The following PALM2AKAP2 variants were observed in gnomAD, a reference collection of about 807,000 sequenced individuals.
PALM2AKAP2 encodes PALM2-AKAP2 fusion protein.
PALM2AKAP2 carries 37 observed loss-of-function variants against 71.5 expected under a neutral mutation model. That is an observed-to-expected ratio of 0.52 (90% CI 0.40 to 0.68). The LOEUF is 0.68. Among genes scored for constraint, PALM2AKAP2 ranks in the 30% least tolerant of loss-of-function variants. The probability of loss-of-function intolerance (pLI) is 0.00; values close to 1 mark genes in which losing one functional copy is unlikely to be tolerated. For synonymous variants in PALM2AKAP2, 468 were observed against 478.8 expected (o/e 0.98, Z 0.29); for missense variants, 1,224 against 1,191.8 (o/e 1.03, Z -0.40).
chr9:109,684,664 A>C (rs1303138501), intron 1 of PALM2AKAP2, among the ~76,000 whole-genome samples: 1 of 152,240 alleles, frequency 6.6e-6, no homozygotes, highest in East Asian at 1.9e-4. Flanking sequence ...TTACTTAAAA[A>C]ACAAAATTTA....
At chr9:109,889,118 A>G (rs1830031627) in intron 3 of PALM2AKAP2, among the ~76,000 whole-genome samples, 1 of 152,248 alleles carries the variant, frequency 6.6e-6, no homozygotes, top group Non-Finnish European at 1.5e-5. Flanking sequence ...TCAGTGCAAA[A>G]TGACAAAGTG....
chr9:109,901,014 G>C (rs1830321216), intron 3 of PALM2AKAP2, among the ~76,000 whole-genome samples: 1 of 152,162 alleles, frequency 6.6e-6, no homozygotes, highest in Admixed American at 6.5e-5. Flanking sequence ...AAGCCATGTT[G>C]GGATATGAAC....
chr9:109,896,975 T>C (rs1438253293), intron 3 of PALM2AKAP2, among the ~76,000 whole-genome samples: 1 of 152,174 alleles, frequency 6.6e-6, no homozygotes, highest in Non-Finnish European at 1.5e-5. Context: ...TTCAAGTTTT[T>C]TTTTGCCTCT....
chr9:109,828,719 T>G (rs1828220944), intron 1 of PALM2AKAP2, among the ~76,000 whole-genome samples: 1 of 152,272 alleles, frequency 6.6e-6, no homozygotes, highest in Admixed American at 6.5e-5. Flanking sequence ...CATTGTACTT[T>G]GGCTTTTTGT....
At chr9:109,899,026 T>G (rs117624101) in intron 3 of PALM2AKAP2, among the ~76,000 whole-genome samples, 321 of 152,280 alleles carry the variant, frequency 2.1e-3, no homozygotes, top group Admixed American at 6.1e-3. Context: ...TTTCTTCACT[T>G]CTCCCATTCT....
chr9:110,080,404 T>G (rs1834423559), intron 1 of PALM2AKAP2, among the ~76,000 whole-genome samples: 1 of 152,208 alleles, frequency 6.6e-6, no homozygotes. Flanking sequence ...TCTTTATGCC[T>G]TATGTTATCA....
rs114348468 is a variant in PALM2AKAP2 at position 109,770,658 on chromosome 9, G to C, written c.6-9830G>C. On this transcript the variant is annotated intron_variant, in intron 1 of 6. Transcript: ENST00000374531. Reference sequence around the variant, plus strand: ...CAAGAACATTCATGAGCAAATGCTGGTCTAGTCTGAAGGGCCATCTTGGGT... The same window carrying C: ...CAAGAACATTCATGAGCAAATGCTGCTCTAGTCTGAAGGGCCATCTTGGGT... Among the ~76,000 whole-genome samples the C allele has an allele frequency of 3.7e-3, 570 of 152,284 alleles. 4 individuals carry two copies. Among genetic ancestry groups the C allele is most frequent in the African/African-American group, 0.013 (534 of 41,546 alleles).
At chr9:109,873,282 G>T (rs536346453) in intron 2 of PALM2AKAP2, among the ~76,000 whole-genome samples, 1 of 152,000 alleles carries the variant, frequency 6.6e-6, no homozygotes, top group African/African-American at 2.4e-5. Flanking sequence ...AGCCAACATG[G>T]CAAAACCCTG....
At chr9:109,983,237 G>A (rs528959724) in intron 6 of PALM2AKAP2, among the ~76,000 whole-genome samples, 3 of 152,304 alleles carry the variant, frequency 2.0e-5, no homozygotes, top group African/African-American at 7.2e-5. Context: ...TTGACAAAAT[G>A]TGCCATAGAT....
chr9:110,111,890 A>G (rs1028329390), intron 1 of PALM2AKAP2, among the ~76,000 whole-genome samples: 3 of 152,028 alleles, frequency 2.0e-5, no homozygotes, highest in African/African-American at 7.2e-5. Flanking sequence ...GCAGCATTGA[A>G]GCCCCCACTC....
chr9:109,991,170 T>C (rs1832473916), intron 6 of PALM2AKAP2, among the ~76,000 whole-genome samples: 1 of 152,136 alleles, frequency 6.6e-6, no homozygotes, highest in Non-Finnish European at 1.5e-5. Flanking sequence ...CAGCATTTTC[T>C]CTATGTCTCA....
chr9:109,929,887 A>AAAAT (rs768243071), intron 5 of PALM2AKAP2, among the ~76,000 whole-genome samples: 3,153 of 143,592 alleles, frequency 0.022, 74 homozygotes, highest in Non-Finnish European at 0.038. Context: ...AAAAAAAAAA[A>AAAAT]GAGAGAGAAT....
chr9:109,715,570 G>A (rs187162180), intron 1 of PALM2AKAP2, among the ~76,000 whole-genome samples: 5 of 152,218 alleles, frequency 3.3e-5, no homozygotes, highest in Admixed American at 2.6e-4. Flanking sequence ...ACTCCCTGCA[G>A]TGCAACCCAG....
chr9:109,964,125 T>G (rs1831900218), intron 6 of PALM2AKAP2, among the ~76,000 whole-genome samples: 1 of 152,262 alleles, frequency 6.6e-6, no homozygotes, highest in South Asian at 2.1e-4. Flanking sequence ...TGAATTTGAT[T>G]TCAGATATTG....
intron 3 of PALM2AKAP2, among the ~76,000 whole-genome samples, chr9:110,160,398 T>A (rs945196492): frequency 6.6e-6 from 1 of 152,250 alleles, no homozygotes. Flanking sequence ...CAATTCATAA[T>A]GGACTAGTGA....
At chr9:109,910,269 G>A (rs562131834) in intron 3 of PALM2AKAP2, among the ~76,000 whole-genome samples, 2 of 152,308 alleles carry the variant, frequency 1.3e-5, no homozygotes, top group South Asian at 4.1e-4. Flanking sequence ...ATAGGGAGGA[G>A]CAGCTCTATG....
At chr9:110,078,671 A>G (rs552786870) in intron 1 of PALM2AKAP2, among the ~76,000 whole-genome samples, 119 of 152,232 alleles carry the variant, frequency 7.8e-4, no homozygotes, top group Non-Finnish European at 1.4e-3. Flanking sequence ...GAGAATTTAG[A>G]CAGCTTTTGT....
chr9:110,005,364 G>C (rs1027776234), intron 6 of PALM2AKAP2, among the ~76,000 whole-genome samples: 8 of 152,220 alleles, frequency 5.3e-5, no homozygotes, highest in Admixed American at 4.6e-4. Flanking sequence ...AGCAAATATT[G>C]CTCCCTGATC....
At chr9:110,074,310 G>A (rs899206312) in intron 1 of PALM2AKAP2, among the ~76,000 whole-genome samples, 2 of 152,114 alleles carry the variant, frequency 1.3e-5, no homozygotes, top group Admixed American at 6.6e-5. Context: ...AATATGGTGA[G>A]AGCCCATCTC....
Sources: allele counts gnomAD v4.1 joint callset (sites outside exome capture counted in the v4.1 genomes callset), GRCh38; gene constraint gnomAD v4.1.1; transcripts MANE v1.5; gene names NCBI Gene and HGNC (gene_info 2026-07-23, HGNC 2026-07-21).